SORBS2: variants seen among roughly 807,000 people sequenced by gnomAD.
SORBS2 encodes the protein sorbin and SH3 domain containing 2, also known as sorbin and SH3 domain-containing protein 2.
Under a neutral mutation model 97.7 loss-of-function variants are expected in SORBS2, and 46 were observed. The observed-to-expected ratio is 0.47, with a 90% CI of 0.37 to 0.60. SORBS2 has a LOEUF of 0.60. Ranked by LOEUF, SORBS2 falls within the 20% of genes least tolerant of loss-of-function variation. The probability of loss-of-function intolerance (pLI) is 0.00; values close to 1 mark genes in which losing one functional copy is unlikely to be tolerated. For synonymous variants in SORBS2, 476 were observed against 473.4 expected (o/e 1.01, Z -0.07); for missense variants, 1,316 against 1,282.3 (o/e 1.03, Z -0.40).
intron 1 of SORBS2, among the ~76,000 whole-genome samples, chr4:185,846,650 G>T (rs1210675792): frequency 3.3e-5 from 5 of 152,212 alleles, no homozygotes; most frequent in Non-Finnish European, 5.9e-5. Context: ...CACTGGTAAA[G>T]CCTGAAGCGA....
intron 4 of SORBS2, chr4:185,665,743 G>A (rs1051711412): frequency 1.6e-5 from 16 of 1,018,934 alleles, no homozygotes; most frequent in African/African-American, 1.7e-5. Flanking sequence ...ATGAGTGGCC[G>A]CAGGGGTGGT....
At chr4:185,782,038 T>C (rs1299063183) in intron 1 of SORBS2, among the ~76,000 whole-genome samples, 1 of 152,264 alleles carries the variant, frequency 6.6e-6, no homozygotes, top group Non-Finnish European at 1.5e-5. Flanking sequence ...CCGCAGGTAC[T>C]GCATTCTGCC....
exon 15 of SORBS2, chr4:185,586,129 C>T (rs2095798946): frequency 1.5e-5 from 1 of 64,898 alleles, no homozygotes; most frequent in Non-Finnish European, 3.8e-5. Context: ...AGGCTACGTA[C>T]ATTGTGAAAA....
intron 1 of SORBS2, among the ~76,000 whole-genome samples, chr4:185,906,127 G>A (rs191568193): frequency 3.3e-4 from 50 of 152,252 alleles, no homozygotes; most frequent in African/African-American, 1.2e-3. Context: ...TCCGCCTCCT[G>A]GGTTCAAGTG....
intron 2 of SORBS2, among the ~76,000 whole-genome samples, chr4:185,760,517 C>T (rs566484483): frequency 4.6e-4 from 70 of 152,258 alleles, no homozygotes; most frequent in Non-Finnish European, 7.9e-4. Flanking sequence ...GAGCTGAGAT[C>T]GCGCCATTGC....
At chr4:185,854,803 GAGAGA>G (rs1341483082) in intron 1 of SORBS2, among the ~76,000 whole-genome samples, 1 of 52,108 alleles carries the variant, frequency 1.9e-5, no homozygotes, top group Admixed American at 2.1e-4. Context: ...GAGAGAGAGA[GAGAGA>G]GAGAGAGAGC....
At chr4:185,747,181 G>A (rs925708475) in intron 2 of SORBS2, among the ~76,000 whole-genome samples, 1 of 152,168 alleles carries the variant, frequency 6.6e-6, no homozygotes, top group Admixed American at 6.5e-5. Context: ...CAAGAAGGTG[G>A]CCGTCGGCAA....
At chr4:185,835,125 C>G (rs534778586) in intron 1 of SORBS2, among the ~76,000 whole-genome samples, 1 of 152,164 alleles carries the variant, frequency 6.6e-6, no homozygotes, top group East Asian at 1.9e-4. Context: ...CTTTGCCTTC[C>G]GCCATGAGTA....
intron 1 of SORBS2, among the ~76,000 whole-genome samples, chr4:185,859,781 A>G (rs995943290): frequency 6.6e-6 from 1 of 152,212 alleles, no homozygotes; most frequent in Admixed American, 6.5e-5. Context: ...ATGGGAGCAT[A>G]TGGCAGAGGC....
At position 185,953,587 on chromosome 4, in the gene SORBS2, G is replaced by A. The variant is rs538179246; in HGVS notation, c.-338+2609C>T. 1.4e-4 allele frequency among the ~76,000 whole-genome samples: 22 copies of A among 152,346 alleles called. No homozygotes were observed. The South Asian group carries it at 4.1e-3, about 29-fold the overall frequency. ...TCCAAGGCAATACTCTCAAAAGGTA[G>A]AAGTCTAGATGTCAGCTGAAAGATG... On this transcript the variant is annotated intron_variant, in intron 1 of 20. Coordinates refer to the SORBS2 transcript ENST00000284776.
intron 1 of SORBS2, among the ~76,000 whole-genome samples, chr4:185,655,076 G>A (rs1237947047): frequency 6.6e-6 from 1 of 152,168 alleles, no homozygotes; most frequent in Non-Finnish European, 1.5e-5. Context: ...AATCTCATGG[G>A]AGCTGAGCCC....
exon 15 of SORBS2, chr4:185,586,951 A>T (rs1233622990): frequency 4.6e-5 from 7 of 152,716 alleles, no homozygotes; most frequent in African/African-American, 1.7e-4. Flanking sequence ...CTTCTAAAAA[A>T]TGCAAACAAA....
intron 4 of SORBS2, among the ~76,000 whole-genome samples, 167 bp from the exon 14 acceptor site, chr4:185,639,202 G>T (rs892903792): frequency 6.6e-6 from 1 of 152,198 alleles, no homozygotes; most frequent in African/African-American, 2.4e-5. Context: ...GATCCGGGCC[G>T]CTGCGAAGCC....
chr4:185,600,904 T>A (rs1327932357), intron 12 of SORBS2, among the ~76,000 whole-genome samples: 1 of 148,252 alleles, frequency 6.7e-6, no homozygotes, highest in East Asian at 2.0e-4. Flanking sequence ...TGGACTGTTT[T>A]GGTGTTTTTT....
intron 1 of SORBS2, among the ~76,000 whole-genome samples, chr4:185,930,925 T>C (rs1200190566): frequency 6.6e-6 from 1 of 152,242 alleles, no homozygotes; most frequent in Non-Finnish European, 1.5e-5. Context: ...GTGAAATGTA[T>C]GTGCCTCTAA....
Position 185,909,871 on chromosome 4 carries a change from C to G in SORBS2, c.-338+46325G>C, listed in dbSNP as rs148370802. Among the ~76,000 whole-genome samples the G allele has an allele frequency of 1.8e-3, 267 of 151,552 alleles. 1 individual carries two copies. The highest frequency in any genetic ancestry group is 6.2e-3 in the African/African-American group (255 of 41,272). On this transcript the variant is annotated intron_variant, in intron 1 of 20. Coordinates refer to the SORBS2 transcript ENST00000284776. The stretch of plus-strand genomic sequence containing the variant: ...TGGTGGCAGGTGCCTGTAATCCCAG[C>G]TACTCAGGAGGATGAGGCAGGAGAA...
intron 1 of SORBS2, among the ~76,000 whole-genome samples, chr4:185,885,278 G>A (rs942661971): frequency 1.1e-4 from 16 of 152,312 alleles, no homozygotes; most frequent in Middle Eastern, 3.4e-3. Flanking sequence ...GGAAAAGCCC[G>A]CTCTTGTGCT....
At chr4:185,939,334 C>T (rs1337903879) in intron 1 of SORBS2, among the ~76,000 whole-genome samples, 1 of 152,150 alleles carries the variant, frequency 6.6e-6, no homozygotes, top group African/African-American at 2.4e-5. Context: ...ACTGGATCAT[C>T]AGTTTCCTTC....
chr4:185,815,359 C>T (rs1010719766), intron 1 of SORBS2, among the ~76,000 whole-genome samples: 20 of 151,832 alleles, frequency 1.3e-4, no homozygotes, highest in African/African-American at 4.6e-4. Context: ...TATATTTAAA[C>T]ATTATAATTA....
Sources: allele counts gnomAD v4.1 joint callset (sites outside exome capture counted in the v4.1 genomes callset), GRCh38; gene constraint gnomAD v4.1.1; transcripts MANE v1.5; gene names NCBI Gene and HGNC (gene_info 2026-07-23, HGNC 2026-07-21).